POTEF: variants seen among roughly 807,000 people sequenced by gnomAD.
The protein encoded by POTEF is ANKRD26-like family C member 1B.
POTEF carries 20 observed loss-of-function variants against 83.2 expected under a neutral mutation model. That is an observed-to-expected ratio of 0.24 (90% confidence interval 0.17 to 0.35). The LOEUF (loss-of-function observed/expected upper bound fraction) is 0.35. Among genes scored for constraint, POTEF ranks in the 10% least tolerant of loss-of-function variants. The pLI is 1.00. For missense variants in POTEF, 550 were observed against 1,203.2 expected, an observed-to-expected ratio of 0.46 and a Z score of 8.03; for synonymous variants, 196 against 446.4, an observed-to-expected ratio of 0.44 and a Z score of 7.07.
At chr2:130,080,151 G>GT (rs1484833304) in intron 15 of POTEF, among the ~76,000 whole-genome samples, 1 of 29,988 alleles carries the variant, frequency 3.3e-5, no homozygotes. Flanking sequence ...ATTGCGGGGG[G>GT]GGGGGGGGGT....
At chr2:130,107,807 G>A in intron 8 of POTEF, 1 of 566,558 alleles carries the variant, frequency 1.8e-6, no homozygotes, top group Non-Finnish European at 3.0e-6. Context: ...CTACATTATG[G>A]TAAGTTGTAT....
chr2:130,075,206 T>C lies in POTEF; in HGVS notation c.2266A>G (p.Lys756Glu). 6.2e-7 allele frequency: 1 copy of C among 1,612,606 alleles called. No individual in the cohort carries two copies. Among genetic ancestry groups the C allele is most frequent in the Non-Finnish European group, 8.5e-7 (1 of 1,179,904 alleles). ...ATGCCTCTTTTGCTCTGGGCCTCCT[T>C]GCCCACATAGGACTCTTTCTGATGC... ...GMHQKESYVG[K>E]EAQSKRGILT... The change falls in exon 17 of 17, where the codon AAG becomes GAG. Residue 756 changes from lysine to glutamate, a missense_variant. Transcript: ENST00000409914.
Position 130,112,012 on chromosome 2 carries a change from T to G in POTEF, c.900A>C (p.Ala300=), listed in dbSNP as rs3100069. The G allele has an allele frequency of 6.7e-7, 1 of 1,502,154 alleles. No homozygotes were observed. The highest frequency in any genetic ancestry group is 2.3e-5 in the East Asian group (1 of 42,644). 93.1% of individuals were successfully genotyped at this position (1,502,154 alleles called of 1,614,324 possible). The change falls in exon 6 of 17, where the codon GCA becomes GCC. Residue 300 remains alanine (A), a synonymous_variant. Coordinates refer to ENST00000409914, the MANE Select transcript of POTEF (RefSeq NM_001099771.2). ...AACTATACCTTCCATATCTATCCAGTGCATTTAAATTCGCTTTTTTCTTAA... is the reference window on the plus strand; with the variant it reads ...AACTATACCTTCCATATCTATCCAGGGCATTTAAATTCGCTTTTTTCTTAA... ...FLIKKKANLN[A]LDRYGRTALI...
intron 8 of POTEF, among the ~76,000 whole-genome samples, chr2:130,103,519 T>C (rs1684430782): frequency 7.6e-6 from 1 of 131,222 alleles, no homozygotes; most frequent in Non-Finnish European, 1.6e-5. Flanking sequence ...ATTTTTCTAC[T>C]GCATCTTTAC....
At chr2:130,111,197 G>T (rs1314513311) in intron 6 of POTEF, among the ~76,000 whole-genome samples, 1 of 150,792 alleles carries the variant, frequency 6.6e-6, no homozygotes, top group Non-Finnish European at 1.5e-5. Context: ...AGCCAACTTT[G>T]AAGGATATAT....
chr2:130,127,353 CCA>C (rs1268256719), intron 2 of POTEF, among the ~76,000 whole-genome samples: 1,381 of 88,416 alleles, frequency 0.016, 15 homozygotes, highest in Non-Finnish European at 0.021. Context: ...AAAAAAAAAG[CCA>C]CACACACACA....
chr2:130,126,160 G>A (rs1269354104), intron 2 of POTEF, among the ~76,000 whole-genome samples: 1 of 143,068 alleles, frequency 7.0e-6, no homozygotes, highest in Non-Finnish European at 1.5e-5. Context: ...AAAGTTAGCT[G>A]GGCATGGTGG....
intron 8 of POTEF, 150 bp downstream of exon 8, chr2:130,107,859 T>C (rs1684585491): frequency 1.0e-5 from 7 of 668,082 alleles, no homozygotes; most frequent in Admixed American, 3.0e-5. Context: ...TAATATAAAG[T>C]AGCACAATAA....
At chr2:130,119,636 T>C (rs1263701908) in intron 3 of POTEF, among the ~76,000 whole-genome samples, 3 of 151,928 alleles carry the variant, frequency 2.0e-5, no homozygotes, top group African/African-American at 7.3e-5. Flanking sequence ...TGATGTGTTA[T>C]GGGGCTTCGT....
At chr2:130,109,921 A>G (rs1684662175) in intron 7 of POTEF, among the ~76,000 whole-genome samples, 1 of 151,340 alleles carries the variant, frequency 6.6e-6, no homozygotes, top group Non-Finnish European at 1.5e-5. Flanking sequence ...AGGTATGGGA[A>G]TTAAAAAACA....
At chr2:130,119,324 C>T (rs1266353324) in intron 3 of POTEF, among the ~76,000 whole-genome samples, 5 of 151,782 alleles carry the variant, frequency 3.3e-5, no homozygotes, top group Admixed American at 6.6e-5. Flanking sequence ...CCACCGCACC[C>T]GGCTAATTTT....
At chr2:130,127,324 CAAAAAAAAAAAAAAAAA>C (rs57173649) in intron 2 of POTEF, among the ~76,000 whole-genome samples, 1 of 12,442 alleles carries the variant, frequency 8.0e-5, no homozygotes, top group African/African-American at 3.3e-4. Flanking sequence ...GACTCTGTCT[CAAAAAAAAAAAAAAAAA>C]AAAAAAAAAA....
intron 2 of POTEF, among the ~76,000 whole-genome samples, chr2:130,122,536 C>T (rs371423176): frequency 4.3e-5 from 6 of 140,872 alleles, no homozygotes; most frequent in African/African-American, 1.7e-4. Context: ...TTTTGTGGTT[C>T]CATTCAGATT....
chr2:130,126,303 C>CAAAAAAAAAA (rs754556482), intron 2 of POTEF, among the ~76,000 whole-genome samples: 15 of 122,706 alleles, frequency 1.2e-4, no homozygotes, highest in South Asian at 2.6e-4. Context: ...AACTCCATCT[C>CAAAAAAAAAA]AAAAAAAAAA....
At chr2:130,104,872 T>G (rs1684474115) in intron 8 of POTEF, among the ~76,000 whole-genome samples, 1 of 151,234 alleles carries the variant, frequency 6.6e-6, no homozygotes, top group Non-Finnish European at 1.5e-5. Flanking sequence ...TTAGTGAGAG[T>G]CAAACTAGTA....
intron 2 of POTEF, among the ~76,000 whole-genome samples, chr2:130,126,303 C>CAAAAAAAAAAAA (rs754556482): frequency 2.0e-4 from 25 of 122,538 alleles, no homozygotes; most frequent in Admixed American, 2.5e-4. Context: ...AACTCCATCT[C>CAAAAAAAAAAAA]AAAAAAAAAA....
intron 3 of POTEF, among the ~76,000 whole-genome samples, chr2:130,119,024 G>C (rs1684922612): frequency 6.6e-6 from 1 of 151,676 alleles, no homozygotes; most frequent in African/African-American, 2.4e-5. Context: ...TTTGATATCT[G>C]GAAAAGCAGC....
At chr2:130,102,825 T>C (rs911136777) in intron 8 of POTEF, among the ~76,000 whole-genome samples, 2 of 151,702 alleles carry the variant, frequency 1.3e-5, no homozygotes, top group African/African-American at 2.4e-5. Context: ...TAACTGCCTT[T>C]GTTCTGCTTC....
At chr2:130,113,076 A>G (rs3990528) in intron 5 of POTEF, among the ~76,000 whole-genome samples, 90,596 of 140,392 alleles carry the variant, frequency 0.65, 30,015 homozygotes, top group African/African-American at 0.75. Context: ...TAATGTCTCA[A>G]CCACAGAGAT....
Sources: gnomAD v4.1 joint callset for allele counts (sites outside exome capture counted in the v4.1 genomes callset) on GRCh38, gnomAD v4.1.1 for gene constraint, MANE v1.5 for transcripts, NCBI Gene and HGNC (gene_info 2026-07-23, HGNC 2026-07-21) for gene names.